Variants in MACROD2 observed in about 807,000 individuals in gnomAD.
MACROD2 encodes mono-ADP ribosylhydrolase 2.
In MACROD2, 36 loss-of-function variants were observed where a neutral mutation model predicts 70.4. The ratio of observed to expected loss-of-function variants is 0.51; its 90% CI spans 0.39 to 0.68. The LOEUF is 0.68. Ranked by LOEUF, MACROD2 falls within the 30% of genes least tolerant of loss-of-function variation. The pLI is 0.00. For synonymous variants in MACROD2, 172 were observed against 178.8 expected (o/e 0.96, Z 0.30); for missense variants, 496 against 538.4 (o/e 0.92, Z 0.78).
At chr20:15,460,079 A>G (rs992849355) in intron 7 of MACROD2, among the ~76,000 whole-genome samples, 13 of 152,258 alleles carry the variant, frequency 8.5e-5, no homozygotes, top group African/African-American at 3.1e-4. Flanking sequence ...TTGGGTAACT[A>G]CTGGAAAAAG....
At chr20:14,861,205 G>C (rs1467688383) in intron 5 of MACROD2, among the ~76,000 whole-genome samples, 1 of 152,040 alleles carries the variant, frequency 6.6e-6, no homozygotes, top group Non-Finnish European at 1.5e-5. Context: ...GGTGGAAGCC[G>C]TTACTACCCA....
At chr20:15,776,421 C>T (rs2147028756) in intron 8 of MACROD2, among the ~76,000 whole-genome samples, 1 of 152,302 alleles carries the variant, frequency 6.6e-6, no homozygotes, top group Admixed American at 6.5e-5. Flanking sequence ...ACAAGGTTGA[C>T]CTGTCTGGCT....
At chr20:15,613,216 T>C (rs2048993793) in intron 8 of MACROD2, among the ~76,000 whole-genome samples, 2 of 152,228 alleles carry the variant, frequency 1.3e-5, no homozygotes, top group Non-Finnish European at 2.9e-5. Context: ...AAATAATGGC[T>C]TTATAGTTCT....
intron 2 of MACROD2, among the ~76,000 whole-genome samples, chr20:14,009,536 C>G (rs2052869689): frequency 6.6e-6 from 1 of 152,134 alleles, no homozygotes; most frequent in Non-Finnish European, 1.5e-5. Context: ...TTAGCTCAAC[C>G]ATTGTGGAAG....
intron 12 of MACROD2, among the ~76,000 whole-genome samples, chr20:15,956,659 G>C (rs1385575549): frequency 6.6e-5 from 10 of 152,296 alleles, no homozygotes; most frequent in South Asian, 4.1e-4. Flanking sequence ...TGGAACAGCA[G>C]CAGCGGTGTC....
intron 6 of MACROD2, among the ~76,000 whole-genome samples, chr20:15,300,467 A>G (rs555969546): frequency 9.5e-4 from 144 of 152,278 alleles, no homozygotes; most frequent in African/African-American, 2.4e-3. Context: ...TAACCTTCCA[A>G]TTCAAAGTGT....
At chr20:15,231,272 A>G (rs1355972414) in intron 6 of MACROD2, among the ~76,000 whole-genome samples, 3 of 152,044 alleles carry the variant, frequency 2.0e-5, no homozygotes, top group African/African-American at 7.2e-5. Flanking sequence ...AATACATAAG[A>G]TCCTATTCTC....
intron 3 of MACROD2, among the ~76,000 whole-genome samples, chr20:14,226,556 G>A (rs796586825): frequency 6.6e-6 from 1 of 152,194 alleles, no homozygotes; most frequent in Non-Finnish European, 1.5e-5. Flanking sequence ...TTGCGGGCCA[G>A]CTGGAGTTCC....
chr20:14,986,002 A>G (rs918428414), intron 5 of MACROD2, among the ~76,000 whole-genome samples: 1 of 152,120 alleles, frequency 6.6e-6, no homozygotes, highest in Non-Finnish European at 1.5e-5. Context: ...GTCACACCCC[A>G]TGGCCTTTGA....
At chr20:15,035,651 G>A (rs1384456378) in intron 5 of MACROD2, among the ~76,000 whole-genome samples, 11 of 152,072 alleles carry the variant, frequency 7.2e-5, no homozygotes, top group Non-Finnish European at 1.5e-5. Flanking sequence ...CTAGAAAATG[G>A]GCAAAGATTT....
At chr20:15,148,386 A>G (rs1361480836) in intron 5 of MACROD2, among the ~76,000 whole-genome samples, 2 of 152,210 alleles carry the variant, frequency 1.3e-5, no homozygotes, top group East Asian at 1.9e-4. Flanking sequence ...GGGAGGACCT[A>G]GGACATCTAA....
chr20:15,585,448 G>A (rs991270776), intron 8 of MACROD2, among the ~76,000 whole-genome samples: 2 of 151,908 alleles, frequency 1.3e-5, no homozygotes, highest in South Asian at 2.1e-4. Flanking sequence ...CACCCACCTC[G>A]GCCTCCCAAA....
intron 8 of MACROD2, among the ~76,000 whole-genome samples, chr20:15,591,586 T>TAAAAAAAAAAAAAAAAA (rs11471295): frequency 3.1e-5 from 2 of 65,112 alleles, no homozygotes; most frequent in African/African-American, 7.1e-5. Flanking sequence ...AAGCCAGTAC[T>TAAAAAAAAAAAAAAAAA]AAAAAAAAAA....
chr20:14,559,546 T>C (rs1230054086), intron 4 of MACROD2, among the ~76,000 whole-genome samples: 3 of 151,828 alleles, frequency 2.0e-5, no homozygotes, highest in Non-Finnish European at 4.4e-5. Flanking sequence ...TCTTTTAACC[T>C]CTGTATACAA....
At chr20:15,354,863 T>C (rs2078268694) in intron 6 of MACROD2, among the ~76,000 whole-genome samples, 1 of 152,212 alleles carries the variant, frequency 6.6e-6, no homozygotes, top group African/African-American at 2.4e-5. Context: ...TATAAAGTTG[T>C]ATCTGTACCA....
At chr20:15,102,959 G>A (rs1294131638) in intron 5 of MACROD2, among the ~76,000 whole-genome samples, 4 of 151,978 alleles carry the variant, frequency 2.6e-5, no homozygotes, top group African/African-American at 4.8e-5. Context: ...ACATTATGAT[G>A]CCTTTATAAA....
In MACROD2 at chr20:15,490,131, T is replaced by TTTCCTTCCTTCCTTCCTTCCTTCC. The variant is rs111772643; in HGVS notation, c.572-9629_572-9606dup. Among the ~76,000 whole-genome samples the TTTCCTTCCTTCCTTCCTTCCTTCC allele has an allele frequency of 6.8e-4, 97 of 141,860 alleles. 1 individual carries two copies. The highest frequency in any genetic ancestry group is 2.3e-3 in the African/African-American group (86 of 37,476). 93.1% of individuals were successfully genotyped at this position (141,860 alleles called of 152,430 possible). ...ACCATACTTTGCACACCTCTTGGCA[T>TTTCCTTCCTTCCTTCCTTCCTTCC]TTCCTTCCTTCCTTCCTTCCTTCCT... On this transcript the variant is annotated intron_variant, in intron 7 of 17. Coordinates refer to ENST00000684519, the MANE Select transcript of MACROD2 (RefSeq NM_001351661.2).
chr20:15,614,240 A>T (rs1018890163), intron 8 of MACROD2, among the ~76,000 whole-genome samples: 1 of 152,228 alleles, frequency 6.6e-6, no homozygotes, highest in African/African-American at 2.4e-5. Context: ...GTAGATTTAG[A>T]TGATTCTCTT....
chr20:15,421,267 A>G (rs2046224036), intron 6 of MACROD2, among the ~76,000 whole-genome samples: 1 of 151,970 alleles, frequency 6.6e-6, no homozygotes, highest in African/African-American at 2.4e-5. Context: ...AGTCCCAGCT[A>G]TTCAGGAGGC....
Sources: gnomAD v4.1 joint callset for allele counts (sites outside exome capture counted in the v4.1 genomes callset) on GRCh38, gnomAD v4.1.1 for gene constraint, MANE v1.5 for transcripts, NCBI Gene and HGNC (gene_info 2026-07-23, HGNC 2026-07-21) for gene names.